The following CSMD1 variants were observed in gnomAD, a reference collection of about 807,000 sequenced individuals.
CSMD1 encodes CUB and sushi domain-containing protein 1.
CSMD1 carries 213 observed loss-of-function variants against 417.5 expected under a neutral mutation model. The ratio of observed to expected loss-of-function variants is 0.51; its 90% confidence interval spans 0.46 to 0.57. The LOEUF (loss-of-function observed/expected upper bound fraction) is 0.57. Among genes scored for constraint, CSMD1 ranks in the 20% least tolerant of loss-of-function variants. The pLI, the probability that CSMD1 is intolerant of heterozygous loss-of-function variation, is 0.00. For synonymous variants in CSMD1, 2,862 were observed against 1,736.8 expected (o/e 1.65, Z -16.11); for missense variants, 6,923 against 4,529.7 (o/e 1.53, Z -15.17).
intron 11 of CSMD1, among the ~76,000 whole-genome samples, chr8:3,479,521 C>T (rs1172089757): frequency 2.0e-5 from 3 of 152,208 alleles, no homozygotes; most frequent in African/African-American, 7.2e-5. Context: ...CTTAGGTGAT[C>T]TGCCCACCTC....
At chr8:4,370,924 C>A (rs1055467394) in intron 3 of CSMD1, among the ~76,000 whole-genome samples, 1 of 152,200 alleles carries the variant, frequency 6.6e-6, no homozygotes, top group Non-Finnish European at 1.5e-5. Context: ...GTCTGACACA[C>A]TTCAGCCATT....
intron 8 of CSMD1, among the ~76,000 whole-genome samples, chr8:3,612,991 T>A (rs542001734): frequency 7.9e-5 from 12 of 152,112 alleles, no homozygotes; most frequent in African/African-American, 2.9e-4. Context: ...TAAAAGTAAA[T>A]TGTATTTTTT....
At chr8:3,229,060 A>G (rs1798676757) in intron 27 of CSMD1, among the ~76,000 whole-genome samples, 1 of 152,132 alleles carries the variant, frequency 6.6e-6, no homozygotes, top group East Asian at 1.9e-4. Context: ...AACTGGGATA[A>G]GTGGTTTGTC....
At chr8:4,321,172 A>C (rs1026521730) in intron 3 of CSMD1, among the ~76,000 whole-genome samples, 2 of 152,054 alleles carry the variant, frequency 1.3e-5, no homozygotes, top group Non-Finnish European at 2.9e-5. Context: ...CACCTCGCAC[A>C]GTGATCAAAG....
chr8:3,994,042 G>A (rs969633673), intron 5 of CSMD1, among the ~76,000 whole-genome samples: 9 of 152,204 alleles, frequency 5.9e-5, no homozygotes, highest in African/African-American at 2.2e-4. Flanking sequence ...GGGCCAAATC[G>A]GTAGCTGTGG....
intron 2 of CSMD1, among the ~76,000 whole-genome samples, chr8:4,550,990 G>C (rs1322952219): frequency 3.9e-5 from 6 of 152,092 alleles, no homozygotes; most frequent in African/African-American, 7.2e-5. Context: ...CCAAACAAAG[G>C]CTGCCCAAAT....
intron 2 of CSMD1, among the ~76,000 whole-genome samples, chr8:4,528,678 C>G (rs771320064): frequency 6.6e-6 from 1 of 152,104 alleles, no homozygotes; most frequent in Non-Finnish European, 1.5e-5. Context: ...GTACACCCCA[C>G]AAACTCTCCA....
intron 2 of CSMD1, among the ~76,000 whole-genome samples, chr8:4,464,621 AG>A (rs1800044274): frequency 6.6e-6 from 1 of 152,182 alleles, no homozygotes; most frequent in Admixed American, 6.5e-5. Context: ...CTATTGTAAA[AG>A]GGTAAGAGTC....
chr8:4,454,092 G>GA, intron 2 of CSMD1, among the ~76,000 whole-genome samples: 1 of 152,196 alleles, frequency 6.6e-6, no homozygotes, highest in Admixed American at 6.5e-5. Flanking sequence ...TAAGTGCTGG[G>GA]ATTACAGGCG....
At chr8:4,098,468 T>G (rs1267755693) in intron 3 of CSMD1, among the ~76,000 whole-genome samples, 1 of 152,156 alleles carries the variant, frequency 6.6e-6, no homozygotes, top group Middle Eastern at 3.2e-3. Flanking sequence ...TGTTCCATGT[T>G]GGAAGTTGTC....
chr8:4,956,156 T>C (rs867639013), intron 1 of CSMD1, among the ~76,000 whole-genome samples: 30 of 152,264 alleles, frequency 2.0e-4, no homozygotes, highest in Middle Eastern at 6.8e-3. Context: ...AGTTATCATT[T>C]TTCTAGAGTT....
At chr8:3,149,457 T>C (rs1819058255) in intron 40 of CSMD1, among the ~76,000 whole-genome samples, 1 of 152,166 alleles carries the variant, frequency 6.6e-6, no homozygotes, top group Admixed American at 6.5e-5. Flanking sequence ...TGCACTAATC[T>C]TCTAGCCAGA....
chr8:4,264,805 T>G (rs1469020430), intron 3 of CSMD1, among the ~76,000 whole-genome samples: 1 of 152,166 alleles, frequency 6.6e-6, no homozygotes, highest in African/African-American at 2.4e-5. Flanking sequence ...AGTTAATTCT[T>G]CTTGTTGTGC....
intron 47 of CSMD1, among the ~76,000 whole-genome samples, chr8:3,095,901 G>A (rs1585335962): frequency 6.6e-6 from 1 of 152,118 alleles, no homozygotes; most frequent in East Asian, 1.9e-4. Flanking sequence ...TAAGACTATT[G>A]TTGAAAACAG....
chr8:3,406,326 G>T, intron 14 of CSMD1, 105 bp from the exon 15 acceptor site: 1 of 809,874 alleles, frequency 1.2e-6, no homozygotes, highest in South Asian at 2.4e-5. Flanking sequence ...TTCATATAAT[G>T]TATATAATTA....
chr8:4,362,668 G>T (rs1801839989), intron 3 of CSMD1, among the ~76,000 whole-genome samples: 1 of 152,176 alleles, frequency 6.6e-6, no homozygotes, highest in Admixed American at 6.5e-5. Flanking sequence ...AAAGGACAGT[G>T]AAATAAAAGA....
Position 4,363,917 on chromosome 8 carries a change from G to A in CSMD1, c.415+56036C>T, listed in dbSNP as rs571137424. 9.2e-5 allele frequency among the ~76,000 whole-genome samples: 14 copies of A among 152,260 alleles called. No homozygotes were observed. In the South Asian group the frequency reaches 2.7e-3, roughly 29 times the overall value. On this transcript the variant is annotated intron_variant, in intron 3 of 69. Coordinates refer to ENST00000635120, the MANE Select transcript of CSMD1 (RefSeq NM_033225.6). ...CAGAGTCTAGAAAGGGTGTAGGGCA[G>A]GGGGGAGATGAAAATGGTTAACAAG...
intron 10 of CSMD1, among the ~76,000 whole-genome samples, chr8:3,544,856 C>T (rs76174832): frequency 1.3e-5 from 2 of 152,100 alleles, no homozygotes; most frequent in African/African-American, 2.4e-5. Flanking sequence ...AGATGCCTTA[C>T]AGCTATAGTA....
intron 2 of CSMD1, among the ~76,000 whole-genome samples, chr8:4,479,480 G>A (rs540276614): frequency 2.0e-5 from 3 of 152,202 alleles, no homozygotes; most frequent in East Asian, 3.9e-4. Context: ...AAATAACAAA[G>A]ACCTTAATGG....
Sources: gnomAD v4.1 joint callset for allele counts (sites outside exome capture counted in the v4.1 genomes callset) on GRCh38, gnomAD v4.1.1 for gene constraint, MANE v1.5 for transcripts, NCBI Gene and HGNC (gene_info 2026-07-23, HGNC 2026-07-21) for gene names.